TMEM100: variants seen among roughly 807,000 people sequenced by gnomAD.
TMEM100 encodes the protein transmembrane protein 100.
For synonymous variants in TMEM100, 61 were observed against 67.1 expected (o/e 0.91, Z 0.44); for missense variants, 137 against 168.2 (o/e 0.81, Z 1.02).
upstream of TMEM100, among the ~76,000 whole-genome samples, chr17:55,724,311 G>A (rs1365906340): frequency 6.6e-6 from 1 of 152,222 alleles, no homozygotes; most frequent in East Asian, 1.9e-4. Flanking sequence ...GAAAGCCAGA[G>A]AGAGGGTTAT....
intron 1 of TMEM100, 58 bp from the exon 2 acceptor site, chr17:55,721,193 G>C (rs1193711389): frequency 8.3e-7 from 1 of 1,204,634 alleles, no homozygotes; most frequent in Non-Finnish European, 1.1e-6. Context: ...CCTGTAAGCA[G>C]AAATGAAAAG....
chr17:55,727,963 CAA>C (rs1909113596), exon 2 of TMEM100: 1 of 152,094 alleles, frequency 6.6e-6, no homozygotes, highest in Admixed American at 6.6e-5. Flanking sequence ...ATATTTTTCA[CAA>C]GTCACTTTTT....
intron 1 of TMEM100, among the ~76,000 whole-genome samples, chr17:55,728,376 C>G (rs986741165): frequency 6.6e-6 from 1 of 152,116 alleles, no homozygotes; most frequent in Non-Finnish European, 1.5e-5. Context: ...AAAGGGGTGC[C>G]TACTGCTTCT....
At chr17:55,730,610 T>C (rs1909180147) in intron 1 of TMEM100, among the ~76,000 whole-genome samples, 1 of 152,192 alleles carries the variant, frequency 6.6e-6, no homozygotes, top group Non-Finnish European at 1.5e-5. Flanking sequence ...AAAATGCCAT[T>C]GCCTTCCCAC....
chr17:55,727,846 T>C (rs1323732926), upstream of TMEM100: 1 of 152,252 alleles, frequency 6.6e-6, no homozygotes, highest in Non-Finnish European at 1.5e-5. Context: ...GGCCTTAAAA[T>C]GACTGGCTCA....
At chr17:55,731,625 T>A (rs961944209) in intron 1 of TMEM100, 9 of 152,158 alleles carry the variant, frequency 5.9e-5, no homozygotes, top group Admixed American at 1.3e-4. Flanking sequence ...GCCTCTTTTT[T>A]AAAAAAATAT....
At chr17:55,726,383 A>G (rs182581171), upstream of TMEM100, among the ~76,000 whole-genome samples, 326 of 152,230 alleles carry the variant, frequency 2.1e-3, 3 homozygotes, top group African/African-American at 7.5e-3. Flanking sequence ...CATTTTGCCC[A>G]TTTCCCTAAA....
Position 55,720,679 on chromosome 17 carries a change from C to T in TMEM100, c.392G>A (p.Ser131Asn). Residue 131 changes from serine (S) to asparagine (N), a missense_variant, in exon 2 of 2, where the codon AGC (serine) becomes AAC (asparagine). Ser to Asn is a conservative substitution (Grantham distance 46). Transcript: ENST00000424486. Reference protein sequence around the residue: ...SQTALVANQRSLFA With the variant: ...SQTALVANQRNLFA ...TCGTATTCAGTCTCAAGCAAACAAG[C>T]TTCTCTGATTTGCCACGAGAGCTGT... 5 of 1,606,396 alleles carry T rather than the reference C, an allele frequency of 3.1e-6. No homozygotes were observed. Among genetic ancestry groups the T allele is most frequent in the Non-Finnish European group, 3.4e-6 (4 of 1,176,850 alleles).
At chr17:55,725,701 A>ATGTGTGTGTGTGTGTGTGTGTG (rs57564459), upstream of TMEM100, among the ~76,000 whole-genome samples, 3 of 139,678 alleles carry the variant, frequency 2.1e-5, no homozygotes, top group East Asian at 2.2e-4. Flanking sequence ...ACCCATATAT[A>ATGTGTGTGTGTGTGTGTGTGTG]TGTGTGTGTG....
At chr17:55,731,224 C>CAA (rs1909197885) in intron 1 of TMEM100, among the ~76,000 whole-genome samples, 1 of 152,190 alleles carries the variant, frequency 6.6e-6, no homozygotes, top group Admixed American at 6.5e-5. Flanking sequence ...ACTTTCTTTA[C>CAA]AGCACTGATA....
chr17:55,730,630 G>A (rs1029279205), intron 1 of TMEM100, among the ~76,000 whole-genome samples: 17 of 152,114 alleles, frequency 1.1e-4, no homozygotes, highest in Non-Finnish European at 5.9e-5. Flanking sequence ...CAGAACCTCT[G>A]TAGTGTTATA....
intron 1 of TMEM100, among the ~76,000 whole-genome samples, chr17:55,728,440 G>A (rs1385157643): frequency 6.6e-6 from 1 of 152,182 alleles, no homozygotes; most frequent in Non-Finnish European, 1.5e-5. Flanking sequence ...TTAAAATAGA[G>A]CTGCATTACT....
intron 1 of TMEM100, among the ~76,000 whole-genome samples, chr17:55,729,573 G>A (rs1430381970): frequency 6.6e-6 from 1 of 151,968 alleles, no homozygotes; most frequent in Non-Finnish European, 1.5e-5. Flanking sequence ...TCTGTCATAG[G>A]CTCACAAATA....
chr17:55,729,221 T>TA (rs2096672877), intron 1 of TMEM100, among the ~76,000 whole-genome samples: 1 of 152,208 alleles, frequency 6.6e-6, no homozygotes, highest in African/African-American at 2.4e-5. Flanking sequence ...GGGATGCCTC[T>TA]GTGATTGTCC....
intron 1 of TMEM100, 58 bp from the exon 2 acceptor site, chr17:55,721,193 G>T: frequency 8.3e-7 from 1 of 1,204,752 alleles, no homozygotes; most frequent in Non-Finnish European, 1.1e-6. Context: ...CCTGTAAGCA[G>T]AAATGAAAAG....
chr17:55,727,516 T>C (rs1303574777), upstream of TMEM100, among the ~76,000 whole-genome samples: 2 of 152,154 alleles, frequency 1.3e-5, no homozygotes, highest in Admixed American at 6.5e-5. Context: ...CTATACCTGA[T>C]AGCATGGAGC....
upstream of TMEM100, among the ~76,000 whole-genome samples, chr17:55,726,579 G>A (rs570427120): frequency 5.6e-4 from 85 of 152,120 alleles, no homozygotes; most frequent in Non-Finnish European, 7.4e-4. Flanking sequence ...CTTTTGCTTG[G>A]TGTGTTTGAG....
In TMEM100 at chr17:55,722,047, C is replaced by G. The variant is rs74569645; in HGVS notation, c.-66+572G>C. On this transcript the variant is annotated intron_variant, in intron 1 of 1. Coordinates refer to ENST00000424486, the MANE Select transcript of TMEM100 (RefSeq NM_018286.3). ...TTCACAACCTTCATTTTCCTCCATG[C>G]CTTTGTGTATAAAACTTGCTGCAAT... Among the ~76,000 whole-genome samples, 20 of 152,272 alleles carry G rather than the reference C, an allele frequency of 1.3e-4. 1 individual carries two copies. The East Asian group carries it at 3.9e-3, about 29-fold the overall frequency.
chr17:55,721,964 ATAT>A (rs1908905490), intron 1 of TMEM100: 1 of 152,234 alleles, frequency 6.6e-6, no homozygotes. Context: ...CAAAATTTCG[ATAT>A]TATGTATACT....
Sources: gnomAD v4.1 joint callset for allele counts (sites outside exome capture counted in the v4.1 genomes callset) on GRCh38, gnomAD v4.1.1 for gene constraint, MANE v1.5 for transcripts, NCBI Gene and HGNC (gene_info 2026-07-23, HGNC 2026-07-21) for gene names.